Variants in PPP2R2B observed in about 807,000 individuals in gnomAD.
PPP2R2B encodes serine/threonine-protein phosphatase 2A 55 kDa regulatory subunit B beta isoform.
Under a neutral mutation model 46.0 loss-of-function variants are expected in PPP2R2B, and 5 were observed. The observed-to-expected ratio is 0.11, with a 90% CI of 0.06 to 0.23. PPP2R2B has a LOEUF of 0.23. Ranked by LOEUF, PPP2R2B falls within the 10% of genes least tolerant of loss-of-function variation. PPP2R2B has a pLI of 1.00. For synonymous variants in PPP2R2B, 215 were observed against 206.7 expected, an observed-to-expected ratio of 1.04 and a Z score of -0.34; for missense variants, 367 against 575.0, an observed-to-expected ratio of 0.64 and a Z score of 3.70.
chr5:146,647,529 C>T (rs1188505437), intron 6 of PPP2R2B, among the ~76,000 whole-genome samples: 3 of 152,210 alleles, frequency 2.0e-5, no homozygotes, highest in Non-Finnish European at 2.9e-5. Flanking sequence ...TTACATATGG[C>T]TGCTTTAAGG....
chr5:147,063,283 T>C (rs1757321580), intron 2 of PPP2R2B, among the ~76,000 whole-genome samples: 2 of 152,114 alleles, frequency 1.3e-5, no homozygotes, highest in Non-Finnish European at 2.9e-5. Context: ...CGTGTGAAGA[T>C]ATAAGTGGGA....
intron 1 of PPP2R2B, among the ~76,000 whole-genome samples, chr5:146,915,537 A>T (rs925768780): frequency 1.6e-4 from 25 of 152,012 alleles, no homozygotes; most frequent in Non-Finnish European, 2.6e-4. Flanking sequence ...AATTGCCACT[A>T]TGTGAAATTT....
intron 2 of PPP2R2B, among the ~76,000 whole-genome samples, chr5:146,827,247 A>G (rs1180660781): frequency 6.6e-6 from 1 of 152,226 alleles, no homozygotes; most frequent in African/African-American, 2.4e-5. Flanking sequence ...TCAAGGAGAT[A>G]AGCTATGCTC....
intron 4 of PPP2R2B, among the ~76,000 whole-genome samples, chr5:146,694,772 TAG>T (rs986429524): frequency 1.3e-5 from 2 of 151,864 alleles, no homozygotes; most frequent in African/African-American, 2.4e-5. Flanking sequence ...TTCCACTAGA[TAG>T]AGATACCTAT....
intron 2 of PPP2R2B, among the ~76,000 whole-genome samples, chr5:146,869,657 A>G (rs1227895955): frequency 6.6e-6 from 1 of 152,236 alleles, no homozygotes; most frequent in Non-Finnish European, 1.5e-5. Flanking sequence ...GATAATGGTA[A>G]CCTTTGGGTA....
intron 2 of PPP2R2B, among the ~76,000 whole-genome samples, chr5:146,737,965 C>G (rs569331847): frequency 6.6e-6 from 1 of 151,002 alleles, no homozygotes; most frequent in Non-Finnish European, 1.5e-5. Context: ...ACAAAAAAAA[C>G]GTTGTTAGAA....
intron 1 of PPP2R2B, among the ~76,000 whole-genome samples, chr5:146,926,533 A>T (rs888749519): frequency 3.3e-5 from 5 of 151,956 alleles, no homozygotes; most frequent in African/African-American, 1.2e-4. Context: ...CTGGGACCAC[A>T]GGCTCCGATT....
Position 146,586,694 on chromosome 5 carries a change from C to T in PPP2R2B, c.*3253G>A, listed in dbSNP as rs1484934448. On this transcript the variant is annotated 3_prime_UTR_variant, in exon 10 of 10. Coordinates refer to ENST00000394411, the MANE Select transcript of PPP2R2B (RefSeq NM_181675.4). Reference sequence around the variant, plus strand: ...GAAGTTGATTTGGTTGAATTAATTACAAGATCAATGAGAGGTTTAAAGGTG... The same window carrying T: ...GAAGTTGATTTGGTTGAATTAATTATAAGATCAATGAGAGGTTTAAAGGTG... The T allele has an allele frequency of 6.6e-6, 1 of 151,954 alleles. No individual in the cohort carries two copies. The highest frequency in any genetic ancestry group is 1.9e-4 in the East Asian group (1 of 5,166). 9.4% of individuals were successfully genotyped at this position (151,954 alleles called of 1,614,324 possible). A position where few individuals can be genotyped will look rare whatever the true frequency, so the allele number is the denominator to read the frequency against.
intron 2 of PPP2R2B, among the ~76,000 whole-genome samples, chr5:146,865,293 G>GAC (rs36219835): frequency 0.09 from 13,104 of 145,900 alleles, 593 homozygotes; most frequent in Non-Finnish European, 0.097. Context: ...CTTTGTCTCT[G>GAC]ACACACACAC....
chr5:146,942,261 C>T (rs529782534), intron 1 of PPP2R2B, among the ~76,000 whole-genome samples: 8 of 152,090 alleles, frequency 5.3e-5, no homozygotes, highest in Non-Finnish European at 1.0e-4. Context: ...AAAACTAATA[C>T]AATTAGTGAA....
chr5:146,843,245 C>G (rs1759778040), intron 2 of PPP2R2B, among the ~76,000 whole-genome samples: 1 of 152,186 alleles, frequency 6.6e-6, no homozygotes, highest in Non-Finnish European at 1.5e-5. Context: ...CAATTTGGGT[C>G]TTGATTACAT....
At chr5:146,798,282 ACGTATCAC>A (rs1756663703) in intron 2 of PPP2R2B, among the ~76,000 whole-genome samples, 1 of 151,982 alleles carries the variant, frequency 6.6e-6, no homozygotes, top group African/African-American at 2.4e-5. Flanking sequence ...CTCTCCTCTC[ACGTATCAC>A]TGGAGATCTG....
chr5:146,680,664 G>A (rs963190669), intron 5 of PPP2R2B, among the ~76,000 whole-genome samples: 52 of 152,182 alleles, frequency 3.4e-4, no homozygotes, highest in African/African-American at 1.1e-3. Context: ...TATTACTTGA[G>A]CCAGAGACAT....
intron 2 of PPP2R2B, among the ~76,000 whole-genome samples, chr5:146,784,781 AAAG>A (rs765631842): frequency 3.9e-5 from 6 of 152,226 alleles, no homozygotes; most frequent in Non-Finnish European, 4.4e-5. Flanking sequence ...CCACATCAGA[AAAG>A]AAGGTTCTAT....
chr5:146,717,976 C>T (rs929057117), intron 2 of PPP2R2B, among the ~76,000 whole-genome samples: 1 of 152,110 alleles, frequency 6.6e-6, no homozygotes, highest in South Asian at 2.1e-4. Context: ...TTATAGTACT[C>T]TATCCTTTTT....
chr5:146,884,776 T>C (rs186044262), intron 1 of PPP2R2B, among the ~76,000 whole-genome samples: 18 of 152,302 alleles, frequency 1.2e-4, no homozygotes, highest in Admixed American at 9.8e-4. Flanking sequence ...GGTGAGAATT[T>C]CCAAAACCAG....
intron 2 of PPP2R2B, among the ~76,000 whole-genome samples, chr5:147,065,889 T>TTATC (rs1176144895): frequency 5.3e-5 from 8 of 152,050 alleles, no homozygotes; most frequent in Admixed American, 4.6e-4. Context: ...GTGAGCTAAA[T>TTATC]GCCAACAAGC....
intron 2 of PPP2R2B, among the ~76,000 whole-genome samples, chr5:146,802,298 A>G (rs1036892124): frequency 6.6e-6 from 1 of 152,212 alleles, no homozygotes; most frequent in Non-Finnish European, 1.5e-5. Context: ...AACATCTGGC[A>G]TAGCTATCTC....
intron 1 of PPP2R2B, among the ~76,000 whole-genome samples, chr5:147,041,041 C>G (rs953987622): frequency 1.3e-5 from 2 of 152,122 alleles, no homozygotes; most frequent in Non-Finnish European, 2.9e-5. Flanking sequence ...CAGAAACAGT[C>G]AAACCACTTT....
Sources: gnomAD v4.1 joint callset for allele counts (sites outside exome capture counted in the v4.1 genomes callset) on GRCh38, gnomAD v4.1.1 for gene constraint, MANE v1.5 for transcripts, NCBI Gene and HGNC (gene_info 2026-07-23, HGNC 2026-07-21) for gene names.